NIPBL: variants seen among roughly 807,000 people sequenced by gnomAD.
NIPBL encodes nipped-B-like protein.
NIPBL carries 19 observed loss-of-function variants against 321.8 expected under a neutral mutation model. The ratio of observed to expected loss-of-function variants is 0.06; its 90% confidence interval spans 0.04 to 0.09. The LOEUF (loss-of-function observed/expected upper bound fraction) is 0.09. Ranked by LOEUF, NIPBL falls within the 10% of genes least tolerant of loss-of-function variation. The pLI is 1.00. For missense variants in NIPBL, 2,210 were observed against 3,327.0 expected, an observed-to-expected ratio of 0.66 and a Z score of 8.26; for synonymous variants, 1,106 against 1,114.1, an observed-to-expected ratio of 0.99 and a Z score of 0.14.
chr5:36,892,285 AC>A (rs1485123411), intron 1 of NIPBL, among the ~76,000 whole-genome samples: 2 of 152,156 alleles, frequency 1.3e-5, no homozygotes, highest in Admixed American at 1.3e-4. Context: ...AAGTCAGGAA[AC>A]AACAGGTGCT....
chr5:36,955,148 T>C, intron 2 of NIPBL: 1 of 287,026 alleles, frequency 3.5e-6, no homozygotes, highest in South Asian at 3.9e-5. Context: ...CAAATGAGAT[T>C]AATGAATTGC....
At chr5:36,978,022 T>C (rs1180750402) in intron 9 of NIPBL, among the ~76,000 whole-genome samples, 1 of 152,034 alleles carries the variant, frequency 6.6e-6, no homozygotes, top group Admixed American at 6.6e-5. Flanking sequence ...GACGCTTAGG[T>C]TGATTCTGTA....
intron 44 of NIPBL, among the ~76,000 whole-genome samples, chr5:37,059,849 TA>T (rs1463632008): frequency 6.6e-6 from 1 of 152,136 alleles, no homozygotes; most frequent in Non-Finnish European, 1.5e-5. Context: ...AAGTACTCTA[TA>T]AAGTAAGAGA....
chr5:36,998,954 G>A (rs76643721), intron 11 of NIPBL, among the ~76,000 whole-genome samples: 209 of 152,194 alleles, frequency 1.4e-3, no homozygotes, highest in Non-Finnish European at 2.4e-3. Flanking sequence ...ATTTACATTT[G>A]TGCTTTACAT....
intron 1 of NIPBL, among the ~76,000 whole-genome samples, chr5:36,910,297 T>C (rs1747948994): frequency 6.6e-6 from 1 of 152,204 alleles, no homozygotes; most frequent in African/African-American, 2.4e-5. Flanking sequence ...TTTCTTCCTT[T>C]AGACTGCACA....
intron 1 of NIPBL, among the ~76,000 whole-genome samples, chr5:36,924,944 A>T (rs1235273722): frequency 6.6e-6 from 1 of 152,172 alleles, no homozygotes; most frequent in Non-Finnish European, 1.5e-5. Flanking sequence ...AAAATTTTAT[A>T]TATCTTTTAT....
intron 10 of NIPBL, among the ~76,000 whole-genome samples, chr5:36,988,931 CATG>C: frequency 6.6e-6 from 1 of 152,204 alleles, no homozygotes; most frequent in East Asian, 1.9e-4. Context: ...TTTGTATGAG[CATG>C]ATAAATGTAA....
At chr5:36,910,614 G>GAGT (rs1747974617) in intron 1 of NIPBL, among the ~76,000 whole-genome samples, 2 of 152,178 alleles carry the variant, frequency 1.3e-5, no homozygotes, top group Non-Finnish European at 2.9e-5. Flanking sequence ...CAGCCGTGGA[G>GAGT]AGTATACCTC....
At chr5:36,968,095 C>CAAAAAAAAA (rs1194609840) in intron 6 of NIPBL, among the ~76,000 whole-genome samples, 14 of 54,120 alleles carry the variant, frequency 2.6e-4, no homozygotes, top group African/African-American at 5.3e-4. Context: ...GACTCTGTCT[C>CAAAAAAAAA]AAAAAAAAAA....
At chr5:37,021,920 CT>C (rs1328792873) in intron 27 of NIPBL, 130 bp from the exon 28 acceptor site, 1 of 735,148 alleles carries the variant, frequency 1.4e-6, no homozygotes, top group African/African-American at 1.8e-5. Flanking sequence ...AGGAAAGATC[CT>C]TTACTCATTT....
intron 32 of NIPBL, among the ~76,000 whole-genome samples, chr5:37,033,685 TACAC>T (rs372949399): frequency 4.6e-5 from 3 of 65,066 alleles, no homozygotes; most frequent in East Asian, 4.2e-4. Context: ...TATATGTACA[TACAC>T]ACACACACAC....
At chr5:36,895,010 TA>T (rs1205658323) in intron 1 of NIPBL, among the ~76,000 whole-genome samples, 12 of 152,192 alleles carry the variant, frequency 7.9e-5, no homozygotes, top group Non-Finnish European at 8.8e-5. Context: ...CACACTCTTA[TA>T]AACTGTAAAA....
chr5:37,056,163 G>A (rs371596053), intron 42 of NIPBL, among the ~76,000 whole-genome samples: 3 of 152,102 alleles, frequency 2.0e-5, no homozygotes, highest in Non-Finnish European at 4.4e-5. Context: ...AGATGAGGTA[G>A]GGTTTTATGT....
intron 34 of NIPBL, among the ~76,000 whole-genome samples, chr5:37,043,723 G>T (rs770279551): frequency 6.6e-6 from 1 of 152,158 alleles, no homozygotes; most frequent in Non-Finnish European, 1.5e-5. Context: ...CCTTCTGCCT[G>T]GTTCTGGGAT....
chr5:37,064,961 TTCTG>T lies in NIPBL; in HGVS notation c.*70_*73del. The T allele has an allele frequency of 6.3e-7, 1 of 1,586,234 alleles. No homozygotes were observed. The highest frequency in any genetic ancestry group is 1.7e-4 in the Middle Eastern group (1 of 5,948). On this transcript the variant is annotated 3_prime_UTR_variant, in exon 47 of 47. Coordinates refer to ENST00000282516, the MANE Select transcript of NIPBL (RefSeq NM_133433.4). Reference sequence around the variant, plus strand: ...GGCAGAAAAACTTGAAATACCAACATTCTGGCAAAAAAAAATCAGTTTTATGAAG... The same window carrying T: ...GGCAGAAAAACTTGAAATACCAACATGCAAAAAAAAATCAGTTTTATGAAG...
intron 1 of NIPBL, among the ~76,000 whole-genome samples, chr5:36,881,540 G>A (rs1745502844): frequency 6.6e-6 from 1 of 151,866 alleles, no homozygotes; most frequent in Non-Finnish European, 1.5e-5. Flanking sequence ...TATCTACAAT[G>A]TACAGATGAG....
chr5:36,960,160 G>T (rs951043132), intron 4 of NIPBL, among the ~76,000 whole-genome samples: 2 of 152,116 alleles, frequency 1.3e-5, no homozygotes, highest in Admixed American at 1.3e-4. Flanking sequence ...GGAGAAAATT[G>T]TAATAAAATG....
At chr5:36,939,058 A>C (rs1213693991) in intron 1 of NIPBL, among the ~76,000 whole-genome samples, 2 of 152,162 alleles carry the variant, frequency 1.3e-5, no homozygotes, top group Non-Finnish European at 2.9e-5. Flanking sequence ...GCTGGAATAC[A>C]GTAGTGTAGT....
chr5:36,976,072 G>T lies in NIPBL; in HGVS notation c.1165G>T (p.Asp389Tyr). ...GGAAAATAGCAATGTTTCAGAAAAT[G>T]ATATTCCTTTTAATGTGCAGTACCC... Reference protein sequence around the residue: ...GVENSNVSENDIPFNVQYPGQ... With the variant: ...GVENSNVSENYIPFNVQYPGQ... The change falls in exon 9 of 47, where the codon GAT (aspartate) becomes TAT (tyrosine). Residue 389 changes from aspartate to tyrosine, a missense_variant. Transcript: ENST00000282516. 2.5e-6 allele frequency: 4 copies of T among 1,614,028 alleles called. No homozygotes were observed. The highest frequency in any genetic ancestry group is 1.1e-5 in the South Asian group (1 of 91,070).
Sources: gnomAD v4.1 joint callset for allele counts (sites outside exome capture counted in the v4.1 genomes callset) on GRCh38, gnomAD v4.1.1 for gene constraint, MANE v1.5 for transcripts, NCBI Gene and HGNC (gene_info 2026-07-23, HGNC 2026-07-21) for gene names.